The following NKAIN2 variants were observed in gnomAD, a reference collection of about 807,000 sequenced individuals.
The protein encoded by NKAIN2 is sodium/potassium-transporting ATPase subunit beta-1-interacting protein 2.
NKAIN2 carries 14 observed loss-of-function variants against 32.6 expected under a neutral mutation model. The observed-to-expected ratio is 0.43, with a 90% CI of 0.28 to 0.67. The LOEUF is 0.67. NKAIN2 is among the 30% of genes least tolerant of loss of function. The probability of loss-of-function intolerance (pLI) is 0.17; values close to 1 mark genes in which losing one functional copy is unlikely to be tolerated. For synonymous variants in NKAIN2, 80 were observed against 87.2 expected, an observed-to-expected ratio of 0.92 and a Z score of 0.46; for missense variants, 198 against 258.3, an observed-to-expected ratio of 0.77 and a Z score of 1.60.
chr6:124,306,594 G>T (rs1796513194), intron 2 of NKAIN2, among the ~76,000 whole-genome samples: 1 of 152,092 alleles, frequency 6.6e-6, no homozygotes, highest in African/African-American at 2.4e-5. Flanking sequence ...AAGTTTATAT[G>T]CTGAGGTCTT....
intron 1 of NKAIN2, among the ~76,000 whole-genome samples, chr6:124,267,449 G>T (rs1794549935): frequency 1.4e-5 from 2 of 139,584 alleles, no homozygotes; most frequent in African/African-American, 5.5e-5. Context: ...TTCGAGACCA[G>T]CGTGGCCAAT....
chr6:124,773,331 T>A (rs1778843775), intron 4 of NKAIN2, among the ~76,000 whole-genome samples: 1 of 150,690 alleles, frequency 6.6e-6, no homozygotes. Context: ...GAGGTGCGAG[T>A]GGTGGGGGGG....
intron 3 of NKAIN2, among the ~76,000 whole-genome samples, chr6:124,372,014 G>A (rs1042546345): frequency 1.1e-4 from 16 of 152,062 alleles, no homozygotes; most frequent in African/African-American, 3.9e-4. Flanking sequence ...CTTGACAACT[G>A]TGGAATTACT....
chr6:124,213,479 C>A (rs802246), intron 1 of NKAIN2, among the ~76,000 whole-genome samples: 105,073 of 151,696 alleles, frequency 0.69, 36,653 homozygotes, highest in South Asian at 0.76. Context: ...CTATACCCAC[C>A]AGAAAAAAAG....
At chr6:124,733,979 A>G (rs1193977451) in intron 4 of NKAIN2, among the ~76,000 whole-genome samples, 1 of 151,430 alleles carries the variant, frequency 6.6e-6, no homozygotes, top group African/African-American at 2.4e-5. Flanking sequence ...GTCATCTTGG[A>G]AAAATAACTC....
At position 124,520,535 on chromosome 6, in the gene NKAIN2, G is replaced by A. The variant is rs1044672690; in HGVS notation, c.274-137651G>A. Among the ~76,000 whole-genome samples the A allele has an allele frequency of 5.9e-5, 9 of 151,958 alleles. 1 individual carries two copies. In the South Asian group the frequency reaches 1.5e-3, roughly 25 times the overall value. On this transcript the variant is annotated intron_variant, in intron 3 of 6. Coordinates refer to ENST00000368417, the MANE Select transcript of NKAIN2 (RefSeq NM_001040214.3). Reference sequence around the variant, plus strand: ...TATCAACATTAACGACTAGTTTCACGGTCATTTTTAAAAGATGACAGTGGA... The same window carrying A: ...TATCAACATTAACGACTAGTTTCACAGTCATTTTTAAAAGATGACAGTGGA...
chr6:124,411,432 C>T (rs1774176762), intron 3 of NKAIN2, among the ~76,000 whole-genome samples: 1 of 152,140 alleles, frequency 6.6e-6, no homozygotes, highest in Non-Finnish European at 1.5e-5. Flanking sequence ...ATTTCTCCTT[C>T]ACTTATGAAG....
chr6:124,779,185 G>A (rs1202000636), intron 4 of NKAIN2, among the ~76,000 whole-genome samples: 7 of 151,214 alleles, frequency 4.6e-5, no homozygotes, highest in African/African-American at 1.2e-4. Flanking sequence ...TGGAGGTTGC[G>A]GTGAGCAGAG....
At chr6:124,308,982 A>G (rs1285891591) in intron 2 of NKAIN2, among the ~76,000 whole-genome samples, 1 of 152,188 alleles carries the variant, frequency 6.6e-6, no homozygotes, top group African/African-American at 2.4e-5. Flanking sequence ...GATAATACCT[A>G]TCGACTTGGA....
chr6:124,335,070 A>G (rs1797811473), intron 2 of NKAIN2, among the ~76,000 whole-genome samples: 1 of 152,228 alleles, frequency 6.6e-6, no homozygotes, highest in Non-Finnish European at 1.5e-5. Context: ...GGTATTTAGA[A>G]GACAGGTATC....
intron 1 of NKAIN2, among the ~76,000 whole-genome samples, chr6:123,996,345 C>A (rs1582901655): frequency 1.9e-5 from 1 of 51,714 alleles, no homozygotes; most frequent in South Asian, 4.8e-4. Flanking sequence ...TGCAGCCCAC[C>A]ATTCCCAAAA....
At chr6:123,940,554 A>C (rs998803789) in intron 1 of NKAIN2, among the ~76,000 whole-genome samples, 10 of 152,062 alleles carry the variant, frequency 6.6e-5, no homozygotes, top group Admixed American at 4.6e-4. Context: ...CCAGGCTACA[A>C]GCCTGTATAG....
intron 4 of NKAIN2, among the ~76,000 whole-genome samples, chr6:124,676,916 T>C (rs1013907373): frequency 1.3e-5 from 2 of 152,198 alleles, no homozygotes; most frequent in African/African-American, 4.8e-5. Context: ...TCTCTTGTTA[T>C]CTCAAGATCC....
chr6:124,489,267 G>A (rs2114720084), intron 3 of NKAIN2, among the ~76,000 whole-genome samples: 1 of 151,976 alleles, frequency 6.6e-6, no homozygotes, highest in East Asian at 1.9e-4. Context: ...TAAATGGTTG[G>A]AAATGAGAAG....
intron 3 of NKAIN2, among the ~76,000 whole-genome samples, chr6:124,492,033 A>G (rs1777883191): frequency 6.6e-6 from 1 of 151,996 alleles, no homozygotes; most frequent in African/African-American, 2.4e-5. Context: ...TTTAAAAAGA[A>G]TGAGATTCAA....
intron 1 of NKAIN2, among the ~76,000 whole-genome samples, chr6:124,012,230 A>G (rs552262436): frequency 2.0e-5 from 3 of 152,058 alleles, no homozygotes; most frequent in African/African-American, 7.2e-5. Context: ...CCACCCCCAG[A>G]TAATGACTGA....
intron 1 of NKAIN2, among the ~76,000 whole-genome samples, chr6:124,034,965 T>C (rs1208534836): frequency 6.6e-6 from 1 of 152,086 alleles, no homozygotes; most frequent in East Asian, 1.9e-4. Flanking sequence ...GAAGGAGGCT[T>C]GGGAGAGTCC....
chr6:124,108,143 G>A (rs112474418), intron 1 of NKAIN2, among the ~76,000 whole-genome samples: 3 of 152,068 alleles, frequency 2.0e-5, no homozygotes, highest in African/African-American at 7.2e-5. Flanking sequence ...CATCCACAGT[G>A]TACAAGAGTT....
intron 4 of NKAIN2, among the ~76,000 whole-genome samples, chr6:124,768,604 T>A (rs1035632587): frequency 1.3e-5 from 2 of 152,194 alleles, no homozygotes; most frequent in Non-Finnish European, 2.9e-5. Context: ...ACAACACTTT[T>A]GAGGTAGCTA....
Sources: allele counts gnomAD v4.1 joint callset (sites outside exome capture counted in the v4.1 genomes callset), GRCh38; gene constraint gnomAD v4.1.1; transcripts MANE v1.5; gene names NCBI Gene and HGNC (gene_info 2026-07-23, HGNC 2026-07-21).